Variants in WDR7 observed in about 807,000 individuals in gnomAD.
The protein encoded by WDR7 is WD repeat domain 7, also known as WD repeat-containing protein 7.
In WDR7, 46 loss-of-function variants were observed where a neutral mutation model predicts 169.4. The observed-to-expected ratio is 0.27, with a 90% CI of 0.21 to 0.35. WDR7 has a LOEUF of 0.35. WDR7 is among the 10% of genes least tolerant of loss of function. The pLI, the probability that WDR7 is intolerant of heterozygous loss-of-function variation, is 1.00. For synonymous variants in WDR7, 612 were observed against 666.8 expected, an observed-to-expected ratio of 0.92 and a Z score of 1.27; for missense variants, 1,534 against 1,859.3, an observed-to-expected ratio of 0.83 and a Z score of 3.22.
intron 20 of WDR7, among the ~76,000 whole-genome samples, chr18:56,862,931 A>C (rs1213239033): frequency 6.6e-6 from 1 of 151,890 alleles, no homozygotes; most frequent in East Asian, 1.9e-4. Flanking sequence ...AATTTAGAAT[A>C]GTGTGTTACT....
chr18:56,926,159 A>T (rs1241076911), intron 22 of WDR7, among the ~76,000 whole-genome samples: 1 of 152,182 alleles, frequency 6.6e-6, no homozygotes, highest in Non-Finnish European at 1.5e-5. Context: ...AGGCCTGAAG[A>T]TTCTCAATGG....
chr18:56,908,767 C>G (rs903849150), intron 21 of WDR7, among the ~76,000 whole-genome samples: 3 of 152,192 alleles, frequency 2.0e-5, no homozygotes, highest in African/African-American at 7.2e-5. Flanking sequence ...GGTGGACTGC[C>G]ACCTACCAGT....
intron 12 of WDR7, among the ~76,000 whole-genome samples, chr18:56,704,151 A>G (rs2025896470): frequency 6.6e-6 from 1 of 152,200 alleles, no homozygotes; most frequent in Non-Finnish European, 1.5e-5. Context: ...TATTACCAAT[A>G]CTATATTAGT....
intron 25 of WDR7, among the ~76,000 whole-genome samples, chr18:56,942,110 C>G (rs2047042069): frequency 6.6e-6 from 1 of 152,184 alleles, no homozygotes; most frequent in African/African-American, 2.4e-5. Context: ...GGAAAGAACT[C>G]TTGGTCTAAA....
intron 19 of WDR7, among the ~76,000 whole-genome samples, chr18:56,785,505 T>G (rs973911769): frequency 1.3e-5 from 2 of 152,188 alleles, no homozygotes; most frequent in Admixed American, 1.3e-4. Flanking sequence ...AAATTGAGCT[T>G]TGTCTAAGAG....
chr18:57,008,916 A>G (rs1052198124), intron 26 of WDR7, among the ~76,000 whole-genome samples: 3 of 152,228 alleles, frequency 2.0e-5, no homozygotes, highest in South Asian at 2.1e-4. Flanking sequence ...ATTTAATCCC[A>G]TGAGGTAGGC....
Position 56,959,012 on chromosome 18 carries a change from TAAAG to T in WDR7, c.4065-3414_4065-3411del, listed in dbSNP as rs1457036748. ...AATATCTCAATAGTGATGGACATAA[TAAAG>T]AAAAAGTAGGATATTGCGTTAAAAA... On this transcript the variant is annotated intron_variant, in intron 25 of 27. Coordinates refer to ENST00000254442, the MANE Select transcript of WDR7 (RefSeq NM_015285.3). Among the ~76,000 whole-genome samples the T allele has an allele frequency of 3.9e-5, 6 of 152,148 alleles. No homozygotes were observed. In the East Asian group the frequency reaches 1.2e-3, roughly 29 times the overall value.
chr18:56,793,224 A>T (rs947615481), intron 19 of WDR7, among the ~76,000 whole-genome samples: 3 of 152,226 alleles, frequency 2.0e-5, no homozygotes, highest in Non-Finnish European at 4.4e-5. Flanking sequence ...AAAATGTGAT[A>T]ACCTATCAGA....
intron 21 of WDR7, among the ~76,000 whole-genome samples, chr18:56,893,147 T>G (rs928667098): frequency 5.9e-5 from 9 of 152,160 alleles, no homozygotes; most frequent in African/African-American, 1.7e-4. Context: ...GTCACTAGAT[T>G]GCCTTTGTAG....
chr18:56,777,098 C>A (rs12326733), intron 17 of WDR7, among the ~76,000 whole-genome samples: 11,407 of 152,226 alleles, frequency 0.075, 1,054 homozygotes, highest in African/African-American at 0.22. Flanking sequence ...ATAATCTAGA[C>A]TACTGTTAAG....
At chr18:56,751,649 C>A (rs951823891) in intron 14 of WDR7, among the ~76,000 whole-genome samples, 7 of 151,932 alleles carry the variant, frequency 4.6e-5, no homozygotes, top group African/African-American at 1.5e-4. Flanking sequence ...GTGCCTAGGC[C>A]ATAACAACAG....
chr18:56,820,625 C>G (rs1050237026), intron 20 of WDR7, among the ~76,000 whole-genome samples: 2 of 151,906 alleles, frequency 1.3e-5, no homozygotes, highest in Non-Finnish European at 2.9e-5. Context: ...TGTCTGTATC[C>G]CTCCTCCCCC....
intron 27 of WDR7, among the ~76,000 whole-genome samples, chr18:57,021,423 G>C (rs750456291): frequency 6.6e-6 from 1 of 152,150 alleles, no homozygotes; most frequent in African/African-American, 2.4e-5. Context: ...AGGATAATAA[G>C]GTGTTTTCCT....
chr18:56,861,224 A>C (rs991145423), intron 20 of WDR7, among the ~76,000 whole-genome samples: 2 of 152,228 alleles, frequency 1.3e-5, no homozygotes, highest in Admixed American at 1.3e-4. Context: ...ATTCAGAGGC[A>C]ATTAAACTGC....
chr18:56,862,649 T>A (rs2045824209), intron 20 of WDR7, among the ~76,000 whole-genome samples: 1 of 151,808 alleles, frequency 6.6e-6, no homozygotes, highest in African/African-American at 2.4e-5. Flanking sequence ...ATAGTGAAAA[T>A]TTTTTAATTA....
At chr18:56,722,904 C>T (rs2144763202) in intron 13 of WDR7, among the ~76,000 whole-genome samples, 1 of 152,248 alleles carries the variant, frequency 6.6e-6, no homozygotes, top group Middle Eastern at 3.4e-3. Context: ...ACTCTTTCTA[C>T]CTTCTAATTC....
chr18:56,899,994 T>C (rs922169862), intron 21 of WDR7, among the ~76,000 whole-genome samples: 1 of 151,318 alleles, frequency 6.6e-6, no homozygotes, highest in African/African-American at 2.4e-5. Flanking sequence ...GATTTTCTCC[T>C]TTAAGCAAAT....
At chr18:56,808,064 G>A (rs1045843581) in intron 19 of WDR7, among the ~76,000 whole-genome samples, 7 of 152,184 alleles carry the variant, frequency 4.6e-5, no homozygotes, top group African/African-American at 1.7e-4. Flanking sequence ...AGCCAGACAG[G>A]CAATGTGTGC....
At chr18:56,652,497 T>C (rs2024677849) in intron 1 of WDR7, among the ~76,000 whole-genome samples, 1 of 152,252 alleles carries the variant, frequency 6.6e-6, no homozygotes, top group Admixed American at 6.5e-5. Flanking sequence ...TTGACTCTGC[T>C]TCTTGCTTTA....
Sources: allele counts gnomAD v4.1 joint callset (sites outside exome capture counted in the v4.1 genomes callset), GRCh38; gene constraint gnomAD v4.1.1; transcripts MANE v1.5; gene names NCBI Gene and HGNC (gene_info 2026-07-23, HGNC 2026-07-21).